LRBA: variants seen among roughly 807,000 people sequenced by gnomAD.
LRBA encodes LPS responsive beige-like anchor protein.
In LRBA, 176 loss-of-function variants were observed where a neutral mutation model predicts 330.0. The observed-to-expected ratio is 0.53, with a 90% CI of 0.47 to 0.60. The LOEUF (loss-of-function observed/expected upper bound fraction) is 0.60. Among genes scored for constraint, LRBA ranks in the 20% least tolerant of loss-of-function variants. The probability of loss-of-function intolerance (pLI) is 0.00; values close to 1 mark genes in which losing one functional copy is unlikely to be tolerated. For synonymous variants in LRBA, 1,230 were observed against 1,193.0 expected (o/e 1.03, Z -0.64); for missense variants, 3,259 against 3,444.8 (o/e 0.95, Z 1.35).
At position 150,829,065 on chromosome 4, in the gene LRBA, G is replaced by A. The variant is rs185555772; in HGVS notation, c.4730-444C>T. 1.9e-4 allele frequency among the ~76,000 whole-genome samples: 29 copies of A among 151,868 alleles called. No individual in the cohort carries two copies. In the East Asian group the frequency reaches 5.3e-3, roughly 28 times the overall value. ...TCCTCCCACCTAAGCCTCTCAAGTA[G>A]CTGAGACTACAGGTATGTGCTACCA... On this transcript the variant is annotated intron_variant, in intron 29 of 56. Coordinates refer to ENST00000651943, the MANE Select transcript of LRBA (RefSeq NM_001364905.1).
chr4:150,465,516 C>A (rs1014817372), intron 44 of LRBA, among the ~76,000 whole-genome samples: 1 of 152,114 alleles, frequency 6.6e-6, no homozygotes, highest in South Asian at 2.1e-4. Flanking sequence ...CGTGCCAACA[C>A]TTGTGATTTT....
intron 33 of LRBA, among the ~76,000 whole-genome samples, chr4:150,798,936 A>C (rs112688488): frequency 2.0e-5 from 3 of 152,336 alleles, no homozygotes; most frequent in African/African-American, 7.2e-5. Context: ...ACACAGGCTT[A>C]GGTTCCAGGG....
intron 30 of LRBA, among the ~76,000 whole-genome samples, chr4:150,819,737 C>T (rs1211221577): frequency 1.3e-5 from 2 of 152,090 alleles, no homozygotes; most frequent in African/African-American, 4.8e-5. Flanking sequence ...TTCAAGATGA[C>T]ATAGCTAATT....
chr4:150,614,553 G>A (rs1775580685), intron 37 of LRBA, among the ~76,000 whole-genome samples: 1 of 152,124 alleles, frequency 6.6e-6, no homozygotes, highest in Admixed American at 6.5e-5. Flanking sequence ...ATGAATAAGG[G>A]TATGAAAGAA....
At position 150,697,329 on chromosome 4, in the gene LRBA, A is replaced by G. The variant is rs867137191; in HGVS notation, c.5755-13612T>C. Among the ~76,000 whole-genome samples, 443 of 127,444 alleles carry G rather than the reference A, an allele frequency of 3.5e-3. 1 individual carries two copies. Among genetic ancestry groups the G allele is most frequent in the African/African-American group, 0.017 (413 of 24,722 alleles). 83.6% of individuals were successfully genotyped at this position (127,444 alleles called of 152,430 possible). On this transcript the variant is annotated intron_variant, in intron 36 of 56. Transcript: ENST00000651943. ...ACAGAGTGAGACTTTGTCTCAGAAA[A>G]AAAAAAAAAAAAAAAAAAAAAACAG...
chr4:150,784,288 C>T (rs1738701534), intron 34 of LRBA, among the ~76,000 whole-genome samples: 1 of 152,186 alleles, frequency 6.6e-6, no homozygotes, highest in Non-Finnish European at 1.5e-5. Flanking sequence ...GGGAAGTTTT[C>T]ATTTTTAAAG....
chr4:150,920,831 A>G (rs1414348558), intron 5 of LRBA, among the ~76,000 whole-genome samples: 1 of 152,172 alleles, frequency 6.6e-6, no homozygotes, highest in African/African-American at 2.4e-5. Flanking sequence ...TCTATACACA[A>G]GGTACAAAAA....
intron 41 of LRBA, among the ~76,000 whole-genome samples, chr4:150,489,298 TATATTATATATAAGAATATATAA>T (rs1758453149): frequency 1.0e-5 from 1 of 99,790 alleles, no homozygotes; most frequent in Non-Finnish European, 1.8e-5. Context: ...GAATATATAA[TATATTATATATAAGAATATATAA>T]AATATATTAC....
intron 37 of LRBA, among the ~76,000 whole-genome samples, chr4:150,625,687 T>TTATATA (rs374872258): frequency 3.0e-4 from 44 of 144,942 alleles, no homozygotes; most frequent in African/African-American, 9.8e-4. Context: ...GGTACCGAGA[T>TTATATA]TATATATATA....
chr4:150,438,537 AAC>A (rs1751429605), intron 44 of LRBA, among the ~76,000 whole-genome samples: 1 of 152,098 alleles, frequency 6.6e-6, no homozygotes, highest in Non-Finnish European at 1.5e-5. Flanking sequence ...AAAGATACAC[AAC>A]AGTCTTTTGC....
chr4:150,292,586 AG>A (rs969550274), intron 53 of LRBA, among the ~76,000 whole-genome samples: 3 of 152,240 alleles, frequency 2.0e-5, no homozygotes, highest in African/African-American at 7.2e-5. Context: ...TGGCTGGGCC[AG>A]AAAATCACAT....
rs542909161 is a variant in LRBA at position 150,335,476 on chromosome 4, C to T, written c.7363-9578G>A. Among the ~76,000 whole-genome samples, 97 of 114,872 alleles carry T rather than the reference C, an allele frequency of 8.4e-4. 1 individual carries two copies. Among genetic ancestry groups the T allele is most frequent in the South Asian group, 6.4e-3 (24 of 3,774 alleles). 75.4% of individuals were successfully genotyped at this position (114,872 alleles called of 152,430 possible). A position where few individuals can be genotyped will look rare whatever the true frequency, so the allele number is the denominator to read the frequency against. ...ATGTGTATATATGTGTATATATATACGTATATATGTGTGTGTATATATATA... is the reference window on the plus strand; with the variant it reads ...ATGTGTATATATGTGTATATATATATGTATATATGTGTGTGTATATATATA... On this transcript the variant is annotated intron_variant, in intron 48 of 56. Coordinates refer to ENST00000651943, the MANE Select transcript of LRBA (RefSeq NM_001364905.1).
At chr4:150,320,879 GATAA>G (rs898707295) in intron 50 of LRBA, among the ~76,000 whole-genome samples, 4 of 151,724 alleles carry the variant, frequency 2.6e-5, no homozygotes, top group African/African-American at 9.7e-5. Flanking sequence ...AGAAACATTT[GATAA>G]ATAAATAAAT....
intron 40 of LRBA, among the ~76,000 whole-genome samples, chr4:150,511,616 G>A (rs1367815036): frequency 1.3e-5 from 2 of 152,146 alleles, no homozygotes; most frequent in Non-Finnish European, 1.5e-5. Flanking sequence ...CAGTAATAGC[G>A]GTAGCAGCAA....
chr4:150,314,312 T>C (rs1039388006), intron 51 of LRBA, among the ~76,000 whole-genome samples: 1 of 152,110 alleles, frequency 6.6e-6, no homozygotes, highest in Non-Finnish European at 1.5e-5. Context: ...TCATATCTAC[T>C]CAAAACAAAA....
chr4:150,641,777 G>A (rs984849705), intron 37 of LRBA, among the ~76,000 whole-genome samples: 11 of 152,014 alleles, frequency 7.2e-5, no homozygotes, highest in Admixed American at 2.0e-4. Flanking sequence ...AAACATTAGT[G>A]TCAATTTAAG....
chr4:150,722,593 A>C (rs1729079818), intron 36 of LRBA, among the ~76,000 whole-genome samples: 1 of 152,088 alleles, frequency 6.6e-6, no homozygotes, highest in African/African-American at 2.4e-5. Flanking sequence ...CCTCCATAAG[A>C]GAGTGTGAAT....
At chr4:150,642,770 A>C (rs929619514) in intron 37 of LRBA, among the ~76,000 whole-genome samples, 1 of 151,952 alleles carries the variant, frequency 6.6e-6, no homozygotes, top group Non-Finnish European at 1.5e-5. Flanking sequence ...TCACAGTTAT[A>C]AGACAGATAA....
chr4:150,443,187 G>C (rs991757349), intron 44 of LRBA, among the ~76,000 whole-genome samples: 1 of 152,124 alleles, frequency 6.6e-6, no homozygotes, highest in Non-Finnish European at 1.5e-5. Flanking sequence ...TTTAATGATC[G>C]CCATTCTAAC....
Sources: gnomAD v4.1 joint callset for allele counts (sites outside exome capture counted in the v4.1 genomes callset) on GRCh38, gnomAD v4.1.1 for gene constraint, MANE v1.5 for transcripts, NCBI Gene and HGNC (gene_info 2026-07-23, HGNC 2026-07-21) for gene names.